The following AHCYL2 variants were observed in gnomAD, a reference collection of about 807,000 sequenced individuals.
The protein encoded by AHCYL2 is adenosylhomocysteinase like 2, also known as S-adenosylhomocysteine hydrolase-like protein 2.
In AHCYL2, 28 loss-of-function variants were observed where a neutral mutation model predicts 81.4. The ratio of observed to expected loss-of-function variants is 0.34; its 90% CI spans 0.25 to 0.47. The LOEUF (loss-of-function observed/expected upper bound fraction) is 0.47, where lower values mean the gene tolerates loss of function less well. Ranked by LOEUF, AHCYL2 falls within the 20% of genes least tolerant of loss-of-function variation. The pLI, the probability that AHCYL2 is intolerant of heterozygous loss-of-function variation, is 1.00. For synonymous variants in AHCYL2, 272 were observed against 290.2 expected (o/e 0.94, Z 0.64); for missense variants, 551 against 785.1 (o/e 0.70, Z 3.56).
In AHCYL2 at chr7:129,403,438, T is replaced by C. The variant is rs1265613406; in HGVS notation, c.978T>C (p.Phe326=). The change falls in exon 7 of 17, where the codon TTT becomes TTC. Residue 326 remains phenylalanine (F), a synonymous_variant. Coordinates refer to ENST00000325006, the MANE Select transcript of AHCYL2 (RefSeq NM_015328.4). Reference sequence around the variant, plus strand: ...TTTATAAAAAGTATCCCAACATGTTTAAGAAAATCAAGGGCATAGTAGAGG... The same window carrying C: ...TTTATAAAAAGTATCCCAACATGTTCAAGAAAATCAAGGGCATAGTAGAGG... The part of the protein sequence containing the change: ...HWIYKKYPNM[F]KKIKGIVEES... The C allele has an allele frequency of 6.2e-7, 1 of 1,611,838 alleles. No individual in the cohort carries two copies.
At chr7:129,380,282 A>G (rs991466246) in intron 2 of AHCYL2, among the ~76,000 whole-genome samples, 5 of 152,164 alleles carry the variant, frequency 3.3e-5, no homozygotes, top group African/African-American at 1.2e-4. Context: ...ACTCAGATAC[A>G]TGTGCCCTGG....
chr7:129,297,610 G>A lies in AHCYL2; in HGVS notation c.363+72171G>A, dbSNP rs140354175. On this transcript the variant is annotated intron_variant, in intron 1 of 16. Transcript: ENST00000325006. ...AACCACCATTCTATTCCTGTCATTT[G>A]TAGTATGGAAAAGTAACTTTTTTCT... Among the ~76,000 whole-genome samples, 430 of 152,258 alleles carry A rather than the reference G, an allele frequency of 2.8e-3. 4 individuals are homozygous for A. Among genetic ancestry groups the A allele is most frequent in the African/African-American group, 9.7e-3 (405 of 41,552 alleles).
rs2150941521 is a variant in AHCYL2, at chr7:129,406,801, A to G, written c.1295+335A>G. 6.6e-6 allele frequency among the ~76,000 whole-genome samples: 1 copy of G among 152,284 alleles called. No individual in the cohort carries two copies. Among genetic ancestry groups the G allele is most frequent in the Non-Finnish European group, 1.5e-5 (1 of 68,014 alleles). On this transcript the variant is annotated intron_variant, in intron 10 of 16. Coordinates refer to ENST00000325006, the MANE Select transcript of AHCYL2 (RefSeq NM_015328.4). The surrounding 1 kb of genome is among the most constrained non-coding windows in gnomAD (Gnocchi z 4.3). ...CATCAGATGCCTTCTGATGTGTTAC[A>G]CTGAAAATAGCCCTTCTGTGGTATT...
At chr7:129,324,608 C>T (rs897137214) in intron 1 of AHCYL2, among the ~76,000 whole-genome samples, 17 of 152,122 alleles carry the variant, frequency 1.1e-4, no homozygotes, top group South Asian at 8.3e-4. Context: ...CTCTGCCTCC[C>T]GGGTTCACGC....
intron 1 of AHCYL2, among the ~76,000 whole-genome samples, chr7:129,349,216 G>A (rs1006497900): frequency 6.6e-6 from 1 of 152,016 alleles, no homozygotes; most frequent in Admixed American, 6.6e-5. Context: ...TACTCTGTAT[G>A]GGCTTTAAAA....
intron 1 of AHCYL2, among the ~76,000 whole-genome samples, chr7:129,295,185 G>A (rs1208190650): frequency 2.0e-5 from 3 of 152,244 alleles, no homozygotes; most frequent in African/African-American, 7.2e-5. Flanking sequence ...GATTAGGCAA[G>A]CTGGTTTCAT....
At position 129,270,493 on chromosome 7, in the gene AHCYL2, A is replaced by C. The variant is rs560515789; in HGVS notation, c.363+45054A>C. Among the ~76,000 whole-genome samples the C allele has an allele frequency of 6.6e-5, 10 of 152,278 alleles. No homozygotes were observed. In the East Asian group the frequency reaches 1.9e-3, roughly 29 times the overall value. ...TACATTTGACAAAGGGGGAAAGAAC[A>C]CTCAAGATTCCTAGTCATATGCCAG... On this transcript the variant is annotated intron_variant, in intron 1 of 16. Transcript: ENST00000325006.
chr7:129,414,932 G>A lies in AHCYL2; in HGVS notation c.1461+1244G>A, dbSNP rs944124455. Among the ~76,000 whole-genome samples, 5 of 152,184 alleles carry A rather than the reference G, an allele frequency of 3.3e-5. No individual in the cohort carries two copies. In the East Asian group the frequency reaches 9.6e-4, roughly 29 times the overall value. On this transcript the variant is annotated intron_variant, in intron 12 of 16. Transcript: ENST00000325006. ...CAGCTGATGTACTGAGAGCTTATTGGATAATATTTATTATATATGGTTTCC... is the reference window on the plus strand; with the variant it reads ...CAGCTGATGTACTGAGAGCTTATTGAATAATATTTATTATATATGGTTTCC...
chr7:129,279,716 T>A (rs1353942559), intron 1 of AHCYL2, among the ~76,000 whole-genome samples: 1 of 152,210 alleles, frequency 6.6e-6, no homozygotes, highest in Non-Finnish European at 1.5e-5. Flanking sequence ...AGGGGTGGAT[T>A]ATTCATTCAT....
At chr7:129,410,432 A>G in intron 11 of AHCYL2, 1 of 1,508,572 alleles carries the variant, frequency 6.6e-7, no homozygotes, top group South Asian at 1.1e-5. Flanking sequence ...GATTATCCTC[A>G]GCGTCCAAAC....
chr7:129,363,677 A>G (rs894546809), intron 1 of AHCYL2, among the ~76,000 whole-genome samples: 2 of 152,054 alleles, frequency 1.3e-5, no homozygotes, highest in African/African-American at 4.8e-5. Context: ...AGCTGAGATT[A>G]CAGGCGCCCG....
At position 129,396,415 on chromosome 7, in the gene AHCYL2, G is replaced by A. The variant is rs1051478530; in HGVS notation, c.721-807G>A. On this transcript the variant is annotated intron_variant, in intron 4 of 16. Transcript: ENST00000325006. ...GCTGGGATTACAGGCGTGAGCCACC[G>A]CGCCCCGCCATTTGTTTGTTTTTGA... is the stretch of plus-strand genomic sequence containing the variant. Among the ~76,000 whole-genome samples, 9 of 149,554 alleles carry A rather than the reference G, an allele frequency of 6.0e-5. No individual in the cohort carries two copies. The East Asian group carries it at 6.1e-4, about 10-fold the overall frequency.
chr7:129,247,979 G>A (rs528110024), intron 1 of AHCYL2, among the ~76,000 whole-genome samples: 14 of 152,208 alleles, frequency 9.2e-5, no homozygotes, highest in Middle Eastern at 3.4e-3. Context: ...CTTTGTTTTC[G>A]TCTAATGGTT....
At chr7:129,382,773 G>A (rs1795022799) in intron 2 of AHCYL2, among the ~76,000 whole-genome samples, 1 of 151,844 alleles carries the variant, frequency 6.6e-6, no homozygotes, top group Non-Finnish European at 1.5e-5. Flanking sequence ...AGGTGTGGTG[G>A]CACATGCCTG....
At chr7:129,321,987 G>T (rs930314655) in intron 1 of AHCYL2, among the ~76,000 whole-genome samples, 18 of 151,944 alleles carry the variant, frequency 1.2e-4, no homozygotes, top group Non-Finnish European at 2.9e-5. Context: ...TGTTGGCCAG[G>T]CTGGTCTCAA....
In AHCYL2 at chr7:129,277,507, T is replaced by C. The variant is rs544252426; in HGVS notation, c.363+52068T>C. Among the ~76,000 whole-genome samples the C allele has an allele frequency of 9.2e-5, 14 of 152,264 alleles. No homozygotes were observed. The South Asian group carries it at 2.9e-3, about 32-fold the overall frequency. ...GTTGCCCAGGCTGGTCTCGAACTCC[T>C]GGGCTCAGGCAATCCACCTGCCTCG... On this transcript the variant is annotated intron_variant, in intron 1 of 16. Transcript: ENST00000325006.
Position 129,289,773 on chromosome 7 carries a change from T to C in AHCYL2, c.363+64334T>C, listed in dbSNP as rs1796769599. On this transcript the variant is annotated intron_variant, in intron 1 of 16. Transcript: ENST00000325006. The stretch of plus-strand genomic sequence containing the variant: ...TCCTTTTCTAGTGATTTTACTGATA[T>C]ATTTCTTCTTTCTTTCTTTTTTTTT... Among the ~76,000 whole-genome samples the C allele has an allele frequency of 2.0e-5, 3 of 151,604 alleles. No individual in the cohort carries two copies. In the South Asian group the frequency reaches 6.2e-4, roughly 32 times the overall value.
intron 1 of AHCYL2, among the ~76,000 whole-genome samples, chr7:129,267,407 C>T (rs34535486): frequency 0.025 from 3,751 of 152,158 alleles, 77 homozygotes; most frequent in Admixed American, 0.057. Flanking sequence ...CAGGTTCAAG[C>T]GAGTCTCCTG....
chr7:129,350,774 G>A (rs1319928520), intron 1 of AHCYL2, among the ~76,000 whole-genome samples: 1 of 144,496 alleles, frequency 6.9e-6, no homozygotes, highest in African/African-American at 2.6e-5. Context: ...CAGGCTCTCA[G>A]CTCACTGCAA....
Sources: allele counts gnomAD v4.1 joint callset (sites outside exome capture counted in the v4.1 genomes callset), GRCh38; gene constraint gnomAD v4.1.1; non-coding constraint Gnocchi (gnomAD v3.1); transcripts MANE v1.5; gene names NCBI Gene and HGNC (gene_info 2026-07-23, HGNC 2026-07-21).